SEMA3A: variants seen among roughly 807,000 people sequenced by gnomAD.
The protein encoded by SEMA3A is semaphorin 3A, also known as semaphorin-3A.
SEMA3A carries 29 observed loss-of-function variants against 97.9 expected under a neutral mutation model. That is an observed-to-expected ratio of 0.30 (90% confidence interval 0.22 to 0.40). The LOEUF (loss-of-function observed/expected upper bound fraction) is 0.40, where lower values mean the gene tolerates loss of function less well. Among genes scored for constraint, SEMA3A ranks in the 10% least tolerant of loss-of-function variants. The pLI is 1.00. For synonymous variants in SEMA3A, 321 were observed against 323.7 expected (o/e 0.99, Z 0.09); for missense variants, 763 against 951.3 (o/e 0.80, Z 2.60).
intron 3 of SEMA3A, among the ~76,000 whole-genome samples, chr7:84,210,021 C>G (rs1290214375): frequency 1.3e-5 from 2 of 152,060 alleles, no homozygotes; most frequent in Admixed American, 1.3e-4. Flanking sequence ...GTTCAATTTA[C>G]ATTATTTTAC....
chr7:84,380,686 T>C (rs1803236085), intron 1 of SEMA3A, among the ~76,000 whole-genome samples: 1 of 152,222 alleles, frequency 6.6e-6, no homozygotes, highest in Admixed American at 6.5e-5. Flanking sequence ...AGGTCAGAAG[T>C]CTGCAACTTT....
intron 1 of SEMA3A, among the ~76,000 whole-genome samples, chr7:84,430,985 A>C (rs1804964902): frequency 1.3e-5 from 2 of 151,982 alleles, no homozygotes; most frequent in Admixed American, 6.6e-5. Context: ...TTCCATGTAC[A>C]CTCAGATATA....
Position 84,322,696 on chromosome 7 carries a change from A to T in SEMA3A, c.-168-15404T>A, listed in dbSNP as rs149914526. ...TTTAAACTTCCTTCCTTTATAAATT[A>T]TAAGTCTCAGGTGTGTCTTCATTAG... On this transcript the variant is annotated intron_variant, in intron 2 of 3. Coordinates refer to the SEMA3A transcript ENST00000424555. 4.4e-3 allele frequency among the ~76,000 whole-genome samples: 666 copies of T among 152,306 alleles called. 9 individuals are homozygous for T. Among genetic ancestry groups the T allele is most frequent in the African/African-American group, 0.015 (617 of 41,564 alleles).
intron 3 of SEMA3A, among the ~76,000 whole-genome samples, chr7:84,119,476 T>G (rs975983232): frequency 1.1e-4 from 16 of 152,194 alleles, no homozygotes; most frequent in African/African-American, 1.7e-4. Flanking sequence ...GGCAGAATTT[T>G]GGGAAAGTTT....
intron 13 of SEMA3A, among the ~76,000 whole-genome samples, chr7:83,982,838 C>G (rs1234830543): frequency 1.3e-5 from 2 of 151,870 alleles, no homozygotes; most frequent in African/African-American, 4.8e-5. Context: ...CTATGAGAAT[C>G]TAAGAAAATA....
intron 1 of SEMA3A, among the ~76,000 whole-genome samples, chr7:84,440,827 C>T (rs954852273): frequency 1.3e-5 from 2 of 152,092 alleles, no homozygotes; most frequent in Non-Finnish European, 2.9e-5. Context: ...AACAAAAATT[C>T]ACAACGCACA....
At chr7:84,352,086 T>C (rs1356205451) in intron 2 of SEMA3A, among the ~76,000 whole-genome samples, 1 of 148,926 alleles carries the variant, frequency 6.7e-6, no homozygotes, top group African/African-American at 2.5e-5. Flanking sequence ...ACAACATGGA[T>C]GGAACTGGAG....
intron 1 of SEMA3A, among the ~76,000 whole-genome samples, chr7:84,188,101 A>T (rs1286057570): frequency 6.6e-6 from 1 of 152,066 alleles, no homozygotes; most frequent in Non-Finnish European, 1.5e-5. Flanking sequence ...TCTCCAAGCA[A>T]GGGAAACCTG....
rs1788421588 is a variant in SEMA3A, at chr7:83,960,395, T to G, written c.*976A>C. 6.6e-6 allele frequency: 1 copy of G among 152,104 alleles called. No individual in the cohort carries two copies. The highest frequency in any genetic ancestry group is 6.6e-5 in the Admixed American group (1 of 15,260). The allele number at this position is 152,104 out of a possible 1,614,324, so 9.4% of individuals were successfully genotyped here. On this transcript the variant is annotated 3_prime_UTR_variant, in exon 17 of 17. Transcript: ENST00000265362. ...TCCTGCTTAAATGTTCTGTTTTTTT[T>G]TCTAAGAACATTATGCAAGTAAAAA...
At chr7:84,430,917 TTTA>T (rs927069088) in intron 1 of SEMA3A, among the ~76,000 whole-genome samples, 2 of 151,948 alleles carry the variant, frequency 1.3e-5, no homozygotes, top group Non-Finnish European at 2.9e-5. Context: ...TAGCACATAT[TTTA>T]TTTTTTAGAG....
intron 2 of SEMA3A, among the ~76,000 whole-genome samples, chr7:84,359,518 A>G (rs1205092629): frequency 6.6e-6 from 1 of 151,882 alleles, no homozygotes; most frequent in Non-Finnish European, 1.5e-5. Context: ...AAGCTTTTTG[A>G]TGTGCTGCTG....
chr7:84,289,025 T>C (rs2115775657), intron 3 of SEMA3A, among the ~76,000 whole-genome samples: 1 of 152,180 alleles, frequency 6.6e-6, no homozygotes, highest in African/African-American at 2.4e-5. Flanking sequence ...AGTGAAGTAC[T>C]ATTCAGCTGT....
At chr7:84,225,803 G>C (rs1430800997) in intron 3 of SEMA3A, among the ~76,000 whole-genome samples, 1 of 152,064 alleles carries the variant, frequency 6.6e-6, no homozygotes, top group Non-Finnish European at 1.5e-5. Flanking sequence ...TAGGCAGCTA[G>C]AGTGGGATAG....
chr7:84,023,755 A>G (rs1229045998), intron 6 of SEMA3A, among the ~76,000 whole-genome samples: 1 of 152,216 alleles, frequency 6.6e-6, no homozygotes, highest in Non-Finnish European at 1.5e-5. Context: ...TCACGCCTGT[A>G]ATCCCAGCAC....
At chr7:83,969,644 T>A (rs1367590148) in intron 15 of SEMA3A, among the ~76,000 whole-genome samples, 1 of 152,166 alleles carries the variant, frequency 6.6e-6, no homozygotes, top group Non-Finnish European at 1.5e-5. Flanking sequence ...AAAATAGAGT[T>A]TATAACCCTG....
intron 3 of SEMA3A, among the ~76,000 whole-genome samples, chr7:84,222,940 A>T (rs1171862722): frequency 6.6e-6 from 1 of 151,900 alleles, no homozygotes; most frequent in Non-Finnish European, 1.5e-5. Context: ...AGTTCTTCAG[A>T]TGATTTCTAC....
At chr7:84,088,768 A>G (rs1200084179) in intron 4 of SEMA3A, among the ~76,000 whole-genome samples, 1 of 152,150 alleles carries the variant, frequency 6.6e-6, no homozygotes, top group East Asian at 1.9e-4. Context: ...AGAATATGAA[A>G]TAGTAGTTGG....
chr7:84,419,996 A>T (rs1040503875), intron 1 of SEMA3A, among the ~76,000 whole-genome samples: 1 of 152,200 alleles, frequency 6.6e-6, no homozygotes, highest in African/African-American at 2.4e-5. Flanking sequence ...TTAAATGACC[A>T]TAAGTGACAC....
intron 12 of SEMA3A, among the ~76,000 whole-genome samples, chr7:83,990,091 T>TG (rs1157905511): frequency 6.6e-6 from 1 of 151,998 alleles, no homozygotes; most frequent in African/African-American, 2.4e-5. Flanking sequence ...TTTTTTCATG[T>TG]GTTTTTTGGC....
Sources: gnomAD v4.1 joint callset for allele counts (sites outside exome capture counted in the v4.1 genomes callset) on GRCh38, gnomAD v4.1.1 for gene constraint, MANE v1.5 for transcripts, NCBI Gene and HGNC (gene_info 2026-07-23, HGNC 2026-07-21) for gene names.